SLC9A8: variants seen among roughly 807,000 people sequenced by gnomAD.
SLC9A8 encodes the protein sodium/hydrogen exchanger 8.
In SLC9A8, 48 loss-of-function variants were observed where a neutral mutation model predicts 66.6. The observed-to-expected ratio is 0.72, with a 90% CI of 0.57 to 0.92. The LOEUF is 0.92. Ranked by LOEUF, SLC9A8 falls within the 40% of genes least tolerant of loss-of-function variation. The pLI, the probability that SLC9A8 is intolerant of heterozygous loss-of-function variation, is 0.00. For synonymous variants in SLC9A8, 274 were observed against 282.6 expected (o/e 0.97, Z 0.31); for missense variants, 599 against 747.3 (o/e 0.80, Z 2.31).
chr20:49,854,213 C>T (rs1488439006), intron 7 of SLC9A8, among the ~76,000 whole-genome samples: 1 of 152,188 alleles, frequency 6.6e-6, no homozygotes, highest in Non-Finnish European at 1.5e-5. Flanking sequence ...CACCAAAGGG[C>T]AGGGAGAGTG....
chr20:49,820,548 T>A (rs937357331), intron 2 of SLC9A8, among the ~76,000 whole-genome samples: 1 of 150,864 alleles, frequency 6.6e-6, no homozygotes, highest in Non-Finnish European at 1.5e-5. Context: ...GTATTTTTGT[T>A]TTGTTTTGTT....
At chr20:49,854,212 G>A (rs181401901) in intron 7 of SLC9A8, among the ~76,000 whole-genome samples, 11 of 152,248 alleles carry the variant, frequency 7.2e-5, no homozygotes, top group Admixed American at 2.6e-4. Flanking sequence ...TCACCAAAGG[G>A]CAGGGAGAGT....
At chr20:49,814,827 C>T (rs932333871) in intron 1 of SLC9A8, among the ~76,000 whole-genome samples, 181 bp from the exon 2 acceptor site, 12 of 152,110 alleles carry the variant, frequency 7.9e-5, no homozygotes, top group Non-Finnish European at 1.8e-4. Flanking sequence ...CCAGAGGCCA[C>T]TGGTACCCTT....
intron 14 of SLC9A8, among the ~76,000 whole-genome samples, chr20:49,884,811 T>A (rs1344149890): frequency 6.6e-6 from 1 of 152,128 alleles, no homozygotes; most frequent in East Asian, 1.9e-4. Context: ...CAGGCTGCCT[T>A]CCCGCCCTGT....
chr20:49,820,459 G>T (rs1328239514), intron 2 of SLC9A8, among the ~76,000 whole-genome samples: 1 of 151,870 alleles, frequency 6.6e-6, no homozygotes, highest in Non-Finnish European at 1.5e-5. Flanking sequence ...TTGCACCACT[G>T]CACTCCAGCC....
At chr20:49,860,584 G>A (rs2081292585) in intron 8 of SLC9A8, among the ~76,000 whole-genome samples, 1 of 152,078 alleles carries the variant, frequency 6.6e-6, no homozygotes, top group South Asian at 2.1e-4. Flanking sequence ...AGCTGGGCAC[G>A]GTGGTGCGCA....
intron 14 of SLC9A8, 193 bp downstream of exon 14, chr20:49,884,259 GACACACACACACACGACACAC>G: frequency 7.7e-6 from 1 of 130,154 alleles, no homozygotes; most frequent in East Asian, 1.4e-4. Context: ...ACACACACAC[GACACACACACACACGACACAC>G]ACACACACGA....
In SLC9A8 at chr20:49,838,592, C is replaced by T. The variant is rs1008585650; in HGVS notation, c.290-949C>T. 6.6e-5 allele frequency among the ~76,000 whole-genome samples: 10 copies of T among 152,318 alleles called. No homozygotes were observed. The South Asian group carries it at 1.7e-3, about 25-fold the overall frequency. On this transcript the variant is annotated intron_variant, in intron 3 of 15. Transcript: ENST00000361573. ...CCCACCCTGAGGTAGTTTTAGTGCA[C>T]GTCCTTTTCCTGCTCAGCTTCTGTG...
intron 8 of SLC9A8, among the ~76,000 whole-genome samples, chr20:49,856,054 A>G (rs906144082): frequency 6.6e-6 from 1 of 152,066 alleles, no homozygotes; most frequent in Non-Finnish European, 1.5e-5. Context: ...CAGCCTCCCA[A>G]AGTGCTGGGA....
intron 3 of SLC9A8, among the ~76,000 whole-genome samples, chr20:49,831,391 A>AACAC (rs773512453): frequency 1.5e-5 from 2 of 130,472 alleles, no homozygotes; most frequent in South Asian, 5.0e-4. Flanking sequence ...TACACACACA[A>AACAC]ACACACACAC....
chr20:49,844,504 C>T (rs927398503), intron 4 of SLC9A8, among the ~76,000 whole-genome samples: 2 of 151,796 alleles, frequency 1.3e-5, no homozygotes, highest in Non-Finnish European at 2.9e-5. Flanking sequence ...CTTGTCTTGG[C>T]CACGCATGGT....
chr20:49,886,196 G>T lies in SLC9A8; in HGVS notation c.1492-556G>T, dbSNP rs2089885812. 6.6e-6 allele frequency among the ~76,000 whole-genome samples: 1 copy of T among 151,752 alleles called. No individual in the cohort carries two copies. The highest frequency in any genetic ancestry group is 2.4e-5 in the African/African-American group (1 of 41,276). ...TCCAGCAGAGCAGGCGCTGCACTCA[G>T]AGCCTGTCTGCTTTGCTCCTACCTA... On this transcript the variant is annotated intron_variant, in intron 14 of 15. Coordinates refer to ENST00000361573, the MANE Select transcript of SLC9A8 (RefSeq NM_015266.3). The surrounding 1 kb of genome is among the most constrained non-coding windows in gnomAD (Gnocchi z 4.8).
In SLC9A8 at chr20:49,844,977, A is replaced by G. The variant is rs917327393; in HGVS notation, c.349-59A>G. The G allele has an allele frequency of 1.9e-5, 24 of 1,238,724 alleles. No homozygotes were observed. In the African/African-American group the frequency reaches 3.6e-4, roughly 18 times the overall value. The allele number at this position is 1,238,724 out of a possible 1,614,324, so 76.7% of individuals were successfully genotyped here. The stretch of plus-strand genomic sequence containing the variant: ...TAATTATTTTGGCTCTTTATTGATT[A>G]ATTTATTTCTTAATTACACAAATTC... On this transcript the variant is annotated intron_variant, in intron 4 of 15. Transcript: ENST00000361573.
chr20:49,878,152 C>T, intron 12 of SLC9A8, 89 bp downstream of exon 12: 1 of 765,554 alleles, frequency 1.3e-6, no homozygotes, highest in Non-Finnish European at 2.0e-6. Context: ...TAACTGTTAA[C>T]TGTTCAAAGT....
At chr20:49,847,753 GAA>G (rs2088059892) in intron 5 of SLC9A8, among the ~76,000 whole-genome samples, 1 of 152,112 alleles carries the variant, frequency 6.6e-6, no homozygotes, top group South Asian at 2.1e-4. Flanking sequence ...ATGTCAGAGA[GAA>G]ACAGATAAAT....
At position 49,886,770 on chromosome 20, in the gene SLC9A8, G is replaced by C; in HGVS notation, c.1510G>C (p.Glu504Gln). Residue 504 changes from glutamate to glutamine, a missense_variant, in exon 15 of 16, where the codon GAG becomes CAG. This residue lies in a region of SLC9A8 where 467 missense variants were observed against 626.5 expected (regional missense o/e 0.75). Coordinates refer to ENST00000361573, the MANE Select transcript of SLC9A8 (RefSeq NM_015266.3). The surrounding 1 kb of genome is among the most constrained non-coding windows in gnomAD (Gnocchi z 4.8). ...TGCTCAGGGCAACACTGTGGAGTCG[G>C]AGCACCTGTCGGAGCTCACGGAGGA... ...TEKMGNTVESEHLSELTEEEY... is the reference protein window; with the variant it reads ...TEKMGNTVESQHLSELTEEEY... The C allele has an allele frequency of 6.2e-7, 1 of 1,614,076 alleles. No homozygotes were observed. The highest frequency in any genetic ancestry group is 8.5e-7 in the Non-Finnish European group (1 of 1,179,970).
rs1038953660 is a variant in SLC9A8, at chr20:49,891,308, G to A, written c.*3372G>A. ...TAGGAAACCCTGAGCTTCCTGATGC[G>A]GAGTCATGAAGCAGAGTCCTCGGGA... On this transcript the variant is annotated 3_prime_UTR_variant, in exon 16 of 16. Coordinates refer to ENST00000361573, the MANE Select transcript of SLC9A8 (RefSeq NM_015266.3). 1 of 152,092 alleles carries A rather than the reference G, an allele frequency of 6.6e-6. No individual in the cohort carries two copies. The highest frequency in any genetic ancestry group is 1.5e-5 in the Non-Finnish European group (1 of 68,044). The allele number at this position is 152,092 out of a possible 1,614,324, so 9.4% of individuals were successfully genotyped here. A position where few individuals can be genotyped will look rare whatever the true frequency, so the allele number is the denominator to read the frequency against.
At chr20:49,884,289 G>GCGCGCTCACACACAC in intron 14 of SLC9A8, 1 of 36,872 alleles carries the variant, frequency 2.7e-5, no homozygotes, top group African/African-American at 2.2e-4. Context: ...ACACACACAC[G>GCGCGCTCACACACAC]ACACACACAC....
chr20:49,874,237 G>A (rs185633300), intron 10 of SLC9A8, among the ~76,000 whole-genome samples: 15 of 151,948 alleles, frequency 9.9e-5, no homozygotes, highest in Non-Finnish European at 2.1e-4. Context: ...CAGCCTGGGT[G>A]ACAAGAGCAA....
Sources: gnomAD v4.1 joint callset for allele counts (sites outside exome capture counted in the v4.1 genomes callset) on GRCh38, gnomAD v4.1.1 for gene constraint, gnomAD v4.1.1 regional missense constraint, Gnocchi (gnomAD v3.1) non-coding constraint, MANE v1.5 for transcripts, NCBI Gene and HGNC (gene_info 2026-07-23, HGNC 2026-07-21) for gene names.